Variants in MBD5 observed in about 807,000 individuals in gnomAD.
The protein encoded by MBD5 is methyl-CpG binding domain protein 5.
In MBD5, 13 loss-of-function variants were observed where a neutral mutation model predicts 117.3. That is an observed-to-expected ratio of 0.11 (90% CI 0.07 to 0.18). The LOEUF is 0.18. Ranked by LOEUF, MBD5 falls within the 10% of genes least tolerant of loss-of-function variation. MBD5 has a pLI of 1.00. For missense variants in MBD5, 1,879 were observed against 2,093.8 expected, an observed-to-expected ratio of 0.90 and a Z score of 2.00; for synonymous variants, 727 against 766.4, an observed-to-expected ratio of 0.95 and a Z score of 0.85.
At chr2:148,304,417 A>G (rs1701843092) in intron 3 of MBD5, among the ~76,000 whole-genome samples, 1 of 152,186 alleles carries the variant, frequency 6.6e-6, no homozygotes, top group African/African-American at 2.4e-5. Context: ...CTCAATATAA[A>G]AAAAAAAGTC....
At chr2:148,183,522 T>TA (rs34261911) in intron 2 of MBD5, among the ~76,000 whole-genome samples, 60,530 of 150,122 alleles carry the variant, frequency 0.4, 12,535 homozygotes, top group South Asian at 0.54. Flanking sequence ...CTTTTATTAC[T>TA]AAAAAAAAAA....
chr2:148,102,534 A>G (rs1490225473), intron 1 of MBD5, among the ~76,000 whole-genome samples: 2 of 152,114 alleles, frequency 1.3e-5, no homozygotes, highest in African/African-American at 2.4e-5. Context: ...ATTCTAGGCC[A>G]TATCTCCCTA....
intron 3 of MBD5, among the ~76,000 whole-genome samples, chr2:148,239,201 C>A (rs1280248333): frequency 6.6e-6 from 1 of 152,102 alleles, no homozygotes; most frequent in East Asian, 1.9e-4. Context: ...TGATCTATGA[C>A]TAGATCTACA....
intron 4 of MBD5, among the ~76,000 whole-genome samples, chr2:148,442,107 T>TA (rs1205012879): frequency 6.6e-6 from 1 of 151,742 alleles, no homozygotes; most frequent in Non-Finnish European, 1.5e-5. Flanking sequence ...CTCTTTAGTT[T>TA]ACTTAGATCC....
chr2:148,195,343 C>T (rs1698956109), intron 2 of MBD5, among the ~76,000 whole-genome samples: 1 of 152,040 alleles, frequency 6.6e-6, no homozygotes, highest in Admixed American at 6.5e-5. Flanking sequence ...TAAGATAGTT[C>T]AAGAGGATTT....
At chr2:148,200,561 C>T (rs535547029) in intron 2 of MBD5, among the ~76,000 whole-genome samples, 56 of 152,048 alleles carry the variant, frequency 3.7e-4, no homozygotes, top group African/African-American at 1.2e-3. Flanking sequence ...GGCATGGTGG[C>T]GGGCGCCTGT....
chr2:148,459,359 T>C (rs1706991118), intron 5 of MBD5, among the ~76,000 whole-genome samples: 1 of 152,180 alleles, frequency 6.6e-6, no homozygotes, highest in Non-Finnish European at 1.5e-5. Flanking sequence ...CGTGTAATAG[T>C]AAAAGTGAAA....
At position 148,489,440 on chromosome 2, in the gene MBD5, G is replaced by A; in HGVS notation, c.3808G>A (p.Gly1270Arg). 1.2e-6 allele frequency: 2 copies of A among 1,614,102 alleles called. No homozygotes were observed. Among genetic ancestry groups the A allele is most frequent in the Non-Finnish European group, 1.7e-6 (2 of 1,179,994 alleles). The change falls in exon 11 of 14, where the codon GGG (glycine) becomes AGG (arginine). Residue 1270 changes from glycine to arginine, a missense_variant. By Grantham distance (125) the Gly-to-Arg change is moderately radical. Around this residue, in one of 4 missense-constraint regions of MBD5, gnomAD observed 1,666 missense variants for 1,792.2 expected, o/e 0.93. Coordinates refer to ENST00000642680, the MANE Select transcript of MBD5 (RefSeq NM_001378120.1). ...LLNKRISTQP[G>R]LTALPENPNT... Reference sequence around the variant, plus strand: ...AAACAAAAGAATAAGCACTCAGCCTGGGCTCACAGCACTTCCTGAGAATCC... The same window carrying A: ...AAACAAAAGAATAAGCACTCAGCCTAGGCTCACAGCACTTCCTGAGAATCC...
intron 2 of MBD5, among the ~76,000 whole-genome samples, chr2:148,210,061 T>G (rs1233977809): frequency 3.3e-5 from 5 of 152,224 alleles, no homozygotes; most frequent in Non-Finnish European, 1.5e-5. Flanking sequence ...TGCTTTTTAG[T>G]TCCAACTAAA....
At chr2:148,172,241 G>A (rs956339846) in intron 1 of MBD5, among the ~76,000 whole-genome samples, 17 of 152,338 alleles carry the variant, frequency 1.1e-4, no homozygotes, top group South Asian at 2.1e-4. Flanking sequence ...GCATCCCTGC[G>A]CTATCAGAAG....
intron 4 of MBD5, among the ~76,000 whole-genome samples, chr2:148,371,707 T>C (rs1703857315): frequency 6.6e-6 from 1 of 152,168 alleles, no homozygotes; most frequent in Non-Finnish European, 1.5e-5. Flanking sequence ...CATTTTCTTA[T>C]ACTTAACGTG....
At position 148,382,917 on chromosome 2, in the gene MBD5, G is replaced by C. The variant is rs529160006; in HGVS notation, c.-557+40581G>C. On this transcript the variant is annotated intron_variant, in intron 4 of 13. Coordinates refer to ENST00000642680, the MANE Select transcript of MBD5 (RefSeq NM_001378120.1). ...GTTCTTTGAAACCAATGAGAACAAAGACACAACATACCAGAATCTCTGGGA... is the reference window on the plus strand; with the variant it reads ...GTTCTTTGAAACCAATGAGAACAAACACACAACATACCAGAATCTCTGGGA... 2.6e-5 allele frequency among the ~76,000 whole-genome samples: 4 copies of C among 151,246 alleles called. No individual in the cohort carries two copies. The East Asian group carries it at 7.7e-4, about 29-fold the overall frequency.
intron 4 of MBD5, among the ~76,000 whole-genome samples, chr2:148,397,734 G>A (rs1264372076): frequency 1.3e-5 from 2 of 152,052 alleles, no homozygotes; most frequent in Non-Finnish European, 1.5e-5. Flanking sequence ...CATGTGCCAT[G>A]TTGGTGTGCT....
intron 1 of MBD5, among the ~76,000 whole-genome samples, chr2:148,038,183 G>A (rs182941826): frequency 1.3e-5 from 2 of 152,116 alleles, no homozygotes; most frequent in African/African-American, 2.4e-5. Context: ...CAGGCAGGAT[G>A]CCTAGAAAGT....
intron 4 of MBD5, among the ~76,000 whole-genome samples, chr2:148,445,613 T>A (rs1479331446): frequency 2.0e-5 from 3 of 151,364 alleles, no homozygotes; most frequent in Non-Finnish European, 2.9e-5. Flanking sequence ...AAATGTATCT[T>A]TATAGCAGCA....
intron 4 of MBD5, among the ~76,000 whole-genome samples, chr2:148,411,512 C>CTTTTTTTTTTTTTTTTTTTTTTTTTTTTT: frequency 1.0e-5 from 1 of 97,450 alleles, no homozygotes; most frequent in Non-Finnish European, 1.9e-5. Context: ...AGCATCTGTT[C>CTTTTTTTTTTTTTTTTTTTTTTTTTTTTT]TTTTTTTTTT....
intron 1 of MBD5, among the ~76,000 whole-genome samples, chr2:148,175,744 A>G (rs1329128497): frequency 2.6e-5 from 4 of 152,322 alleles, no homozygotes; most frequent in Middle Eastern, 3.4e-3. Flanking sequence ...TAACTTATGT[A>G]ATCTATGTTC....
chr2:148,114,385 A>G (rs912838667), intron 1 of MBD5, among the ~76,000 whole-genome samples: 3 of 152,016 alleles, frequency 2.0e-5, no homozygotes, highest in African/African-American at 4.8e-5. Flanking sequence ...CAGGAGAATC[A>G]CTTGATCCTG....
chr2:148,369,299 G>GT (rs890401855), intron 4 of MBD5, among the ~76,000 whole-genome samples: 1 of 151,736 alleles, frequency 6.6e-6, no homozygotes, highest in Non-Finnish European at 1.5e-5. Flanking sequence ...TTGGCCTAGG[G>GT]TTTTTTTTCA....
Sources: allele counts gnomAD v4.1 joint callset (sites outside exome capture counted in the v4.1 genomes callset), GRCh38; gene constraint gnomAD v4.1.1; regional missense constraint gnomAD v4.1.1; transcripts MANE v1.5; gene names NCBI Gene and HGNC (gene_info 2026-07-23, HGNC 2026-07-21).